Variants in RYR3 observed in about 807,000 individuals in gnomAD.
The protein encoded by RYR3 is brain ryanodine receptor-calcium release channel.
A neutral mutation model predicts 584.3 loss-of-function variants in RYR3; 207 were observed. The ratio of observed to expected loss-of-function variants is 0.35; its 90% CI spans 0.32 to 0.40. The LOEUF (loss-of-function observed/expected upper bound fraction) is 0.40. RYR3 is among the 10% of genes least tolerant of loss of function. RYR3 has a pLI of 1.00. For missense variants in RYR3, 5,616 were observed against 6,089.2 expected, an observed-to-expected ratio of 0.92 and a Z score of 2.59; for synonymous variants, 2,416 against 2,248.5, an observed-to-expected ratio of 1.07 and a Z score of -2.11.
At chr15:33,340,174 T>C (rs1971653130) in intron 1 of RYR3, among the ~76,000 whole-genome samples, 1 of 152,144 alleles carries the variant, frequency 6.6e-6, no homozygotes, top group Non-Finnish European at 1.5e-5. Context: ...TTTGAACGCT[T>C]TAAGGAAGGA....
At chr15:33,465,918 G>C (rs191439072) in intron 1 of RYR3, 2 of 418,322 alleles carry the variant, frequency 4.8e-6, no homozygotes, top group Non-Finnish European at 9.5e-6. Flanking sequence ...TCTTCCCTCC[G>C]TTCACTCAAG....
intron 99 of RYR3, chr15:33,858,141 G>C (rs576264861): frequency 3.5e-6 from 2 of 572,650 alleles, no homozygotes; most frequent in East Asian, 5.9e-5. Context: ...TCTAAGCCCC[G>C]TGGAAAGGGA....
intron 91 of RYR3, among the ~76,000 whole-genome samples, chr15:33,842,846 TCACACAG>T (rs1459244493): frequency 4.6e-5 from 7 of 152,198 alleles, no homozygotes; most frequent in African/African-American, 1.4e-4. Context: ...GAAAATGCAG[TCACACAG>T]CACTTCAAGG....
chr15:33,768,758 CT>C (rs2073318829), intron 61 of RYR3, 51 bp downstream of exon 61: 1 of 1,567,544 alleles, frequency 6.4e-7, no homozygotes, highest in Non-Finnish European at 8.8e-7. Context: ...TTATCTTGAA[CT>C]TGCACTTTGC....
At chr15:33,749,258 T>C (rs974859987) in intron 55 of RYR3, among the ~76,000 whole-genome samples, 6 of 152,190 alleles carry the variant, frequency 3.9e-5, no homozygotes, top group African/African-American at 1.4e-4. Flanking sequence ...GTGGGTTTGC[T>C]GGAGCTCCCT....
At chr15:33,465,899 C>T (rs901022233) in intron 1 of RYR3, 7 of 455,838 alleles carry the variant, frequency 1.5e-5, no homozygotes, top group Non-Finnish European at 3.1e-5. Flanking sequence ...CTTTCTTCAT[C>T]TCTCCGTCTC....
At chr15:33,485,497 G>A (rs2050337083) in intron 2 of RYR3, among the ~76,000 whole-genome samples, 1 of 152,168 alleles carries the variant, frequency 6.6e-6, no homozygotes, top group Admixed American at 6.5e-5. Flanking sequence ...ACAGTGGAAA[G>A]GCCTGGTGTT....
intron 39 of RYR3, 72 bp downstream of exon 39, chr15:33,696,563 G>A: frequency 1.4e-6 from 2 of 1,423,516 alleles, no homozygotes; most frequent in South Asian, 2.5e-5. Flanking sequence ...CCTTGATATA[G>A]AGATATAGTG....
chr15:33,363,047 G>C (rs1384480858), intron 1 of RYR3, among the ~76,000 whole-genome samples: 1 of 152,098 alleles, frequency 6.6e-6, no homozygotes, highest in Non-Finnish European at 1.5e-5. Context: ...TGTCCTGACT[G>C]CTCCTTCCCC....
Position 33,699,592 on chromosome 15 carries a change from G to A in RYR3, c.6250-112G>A. 4 of 925,032 alleles carry A rather than the reference G, an allele frequency of 4.3e-6. No individual in the cohort carries two copies. In the South Asian group the frequency reaches 8.1e-5, roughly 19 times the overall value. The allele number at this position is 925,032 out of a possible 1,614,324, so 57.3% of individuals were successfully genotyped here. On this transcript the variant is annotated intron_variant, in intron 40 of 103. Coordinates refer to ENST00000634891, the MANE Select transcript of RYR3 (RefSeq NM_001036.6). ...TTGAGAAAAAAAATGGAAGGAGAAA[G>A]TTCATTTTTCCAAGTGTTCACACTT...
intron 102 of RYR3, among the ~76,000 whole-genome samples, chr15:33,863,366 G>A (rs1466342737): frequency 2.0e-5 from 3 of 152,184 alleles, no homozygotes; most frequent in African/African-American, 7.2e-5. Context: ...GCCAGGACCT[G>A]ACGCTCTATA....
intron 42 of RYR3, among the ~76,000 whole-genome samples, chr15:33,703,404 C>A (rs932763162): frequency 6.6e-6 from 1 of 152,178 alleles, no homozygotes; most frequent in African/African-American, 2.4e-5. Context: ...AGTCCAAGAT[C>A]GAGGTGTGCG....
At position 33,811,271 on chromosome 15, in the gene RYR3, C is replaced by T. The variant is rs190946338; in HGVS notation, c.10257+234C>T. 4.3e-3 allele frequency among the ~76,000 whole-genome samples: 658 copies of T among 152,004 alleles called. 5 individuals are homozygous for T. Among genetic ancestry groups the T allele is most frequent in the Middle Eastern group, 0.014 (4 of 294 alleles). On this transcript the variant is annotated intron_variant, in intron 72 of 103. Coordinates refer to ENST00000634891, the MANE Select transcript of RYR3 (RefSeq NM_001036.6). ...CTGTAATCCCAGCACTTTGGGAGGC[C>T]GAGGTGGGCGGATCACGAGGTCAGG...
chr15:33,391,791 A>G (rs532253725), intron 1 of RYR3, among the ~76,000 whole-genome samples: 17 of 152,220 alleles, frequency 1.1e-4, no homozygotes, highest in Middle Eastern at 3.4e-3. Context: ...TTGATCATTT[A>G]GGAGGGACTG....
At chr15:33,509,681 A>T (rs544026839) in intron 3 of RYR3, among the ~76,000 whole-genome samples, 1 of 152,176 alleles carries the variant, frequency 6.6e-6, no homozygotes, top group Non-Finnish European at 1.5e-5. Flanking sequence ...TTGCCCATGT[A>T]TGTGTCAAGT....
intron 37 of RYR3, among the ~76,000 whole-genome samples, chr15:33,670,043 T>G (rs1488803164): frequency 6.6e-6 from 1 of 152,138 alleles, no homozygotes; most frequent in Non-Finnish European, 1.5e-5. Flanking sequence ...GACAAGCTTT[T>G]CATTTGAAAT....
At chr15:33,853,533 A>C in intron 95 of RYR3, 22 bp from the exon 96 acceptor site, 1 of 1,611,538 alleles carries the variant, frequency 6.2e-7, no homozygotes, top group African/African-American at 1.3e-5. Flanking sequence ...GCCTGAGCTC[A>C]CCCTGTCATC....
Position 33,810,339 on chromosome 15 carries a change from C to T in RYR3, c.10027-140C>T. 3 of 750,296 alleles carry T rather than the reference C, an allele frequency of 4.0e-6. No homozygotes were observed. In the African/African-American group the frequency reaches 5.3e-5, roughly 13 times the overall value. 46.5% of individuals were successfully genotyped at this position (750,296 alleles called of 1,614,324 possible). A position where few individuals can be genotyped will look rare whatever the true frequency, so the allele number is the denominator to read the frequency against. ...CTAATTCGTCTTTGTTCAACACACT[C>T]TTTTCACTGTCCTTTGAAGTGTAGT... On this transcript the variant is annotated intron_variant, in intron 70 of 103. Coordinates refer to ENST00000634891, the MANE Select transcript of RYR3 (RefSeq NM_001036.6).
intron 1 of RYR3, among the ~76,000 whole-genome samples, chr15:33,345,829 C>T (rs1484478288): frequency 6.6e-6 from 1 of 152,178 alleles, no homozygotes; most frequent in Admixed American, 6.5e-5. Flanking sequence ...ACTGAAATCC[C>T]TACATGAAAG....
Sources: allele counts gnomAD v4.1 joint callset (sites outside exome capture counted in the v4.1 genomes callset), GRCh38; gene constraint gnomAD v4.1.1; transcripts MANE v1.5; gene names NCBI Gene and HGNC (gene_info 2026-07-23, HGNC 2026-07-21).